The following MAP4 variants were observed in gnomAD, a reference collection of about 807,000 sequenced individuals.
MAP4 encodes microtubule-associated protein 4.
A neutral mutation model predicts 170.2 loss-of-function variants in MAP4; 76 were observed. The ratio of observed to expected loss-of-function variants is 0.45; its 90% CI spans 0.37 to 0.54. The LOEUF (loss-of-function observed/expected upper bound fraction) is 0.54, where lower values mean the gene tolerates loss of function less well. Ranked by LOEUF, MAP4 falls within the 20% of genes least tolerant of loss-of-function variation. The pLI is 0.00. For synonymous variants in MAP4, 909 were observed against 994.5 expected (o/e 0.91, Z 1.62); for missense variants, 2,506 against 2,748.0 (o/e 0.91, Z 1.97).
intron 1 of MAP4, among the ~76,000 whole-genome samples, chr3:48,025,260 C>T (rs531020945): frequency 3.3e-5 from 5 of 150,726 alleles, no homozygotes; most frequent in Non-Finnish European, 5.9e-5. Flanking sequence ...TTTTAGAAAG[C>T]GCTAATTTTA....
At chr3:48,032,906 C>T (rs1160121615) in intron 1 of MAP4, among the ~76,000 whole-genome samples, 1 of 152,128 alleles carries the variant, frequency 6.6e-6, no homozygotes, top group Non-Finnish European at 1.5e-5. Flanking sequence ...AGCTAACTTA[C>T]CCTTGTTGAT....
intron 3 of MAP4, among the ~76,000 whole-genome samples, chr3:47,935,739 C>T (rs2100052351): frequency 6.6e-6 from 1 of 151,558 alleles, no homozygotes; most frequent in Non-Finnish European, 1.5e-5. Context: ...GAGTTCGAGA[C>T]CAGCCTGATC....
Position 47,916,071 on chromosome 3 carries a change from G to C in MAP4, c.1756C>G (p.Pro586Ala). The C allele has an allele frequency of 6.2e-7, 1 of 1,614,208 alleles. No individual in the cohort carries two copies. The highest frequency in any genetic ancestry group is 8.5e-7 in the Non-Finnish European group (1 of 1,180,042). ...VPPLSETEAT[P>A]VPIKDMEIAQ... ...ATTTCCATGTCTTTAATTGGAACTG[G>C]TGTTGCCTCTGTTTCTGAGAGTGGT... Residue 586 changes from proline (P) to alanine (A), a missense_variant, in exon 7 of 21, where the codon CCA (proline) becomes GCA (alanine). Pro to Ala is a conservative substitution (Grantham distance 27, BLOSUM62 -1). Coordinates refer to ENST00000683076, the MANE Select transcript of MAP4 (RefSeq NM_001385682.1).
At chr3:47,977,809 G>T (rs553623909) in intron 3 of MAP4, 56 bp downstream of exon 3, 1 of 1,117,386 alleles carries the variant, frequency 8.9e-7, no homozygotes, top group South Asian at 1.3e-5. Context: ...AGATTATCAA[G>T]GTGTTCATTG....
intron 2 of MAP4, among the ~76,000 whole-genome samples, chr3:47,985,054 T>C (rs1578795103): frequency 6.6e-6 from 1 of 151,462 alleles, no homozygotes; most frequent in African/African-American, 2.4e-5. Flanking sequence ...CAGAGGTGGG[T>C]GAATCACCTG....
At chr3:48,061,515 G>A (rs1388373782) in intron 1 of MAP4, among the ~76,000 whole-genome samples, 1 of 152,194 alleles carries the variant, frequency 6.6e-6, no homozygotes. Flanking sequence ...CCAGGCTGGA[G>A]TGCAGTGGCG....
At chr3:48,022,718 G>A (rs866886864) in intron 1 of MAP4, among the ~76,000 whole-genome samples, 48 of 152,132 alleles carry the variant, frequency 3.2e-4, no homozygotes, top group Admixed American at 1.6e-3. Flanking sequence ...GTGAAACCCC[G>A]TCTCTACGAA....
chr3:48,007,703 T>A (rs907282791), intron 1 of MAP4, among the ~76,000 whole-genome samples: 2 of 149,794 alleles, frequency 1.3e-5, no homozygotes, highest in Non-Finnish European at 1.5e-5. Context: ...AGACGCAGTG[T>A]CACTCTGTTG....
At chr3:48,059,514 C>CAAAAAAAAAA (rs762700404) in intron 1 of MAP4, among the ~76,000 whole-genome samples, 1 of 18,008 alleles carries the variant, frequency 5.6e-5, no homozygotes, top group East Asian at 1.9e-3. Context: ...GACTCCATCT[C>CAAAAAAAAAA]AAAAAAAAAA....
At chr3:47,983,207 G>C (rs905854982) in intron 2 of MAP4, among the ~76,000 whole-genome samples, 1 of 151,910 alleles carries the variant, frequency 6.6e-6, no homozygotes, top group African/African-American at 2.4e-5. Flanking sequence ...ACCCGGCAAA[G>C]ATTTTGACTT....
chr3:48,031,592 G>A (rs767817517), intron 1 of MAP4, among the ~76,000 whole-genome samples: 1 of 152,068 alleles, frequency 6.6e-6, no homozygotes, highest in Non-Finnish European at 1.5e-5. Flanking sequence ...AGGCATGGTG[G>A]TACGTGCCTG....
intron 10 of MAP4, among the ~76,000 whole-genome samples, chr3:47,893,414 G>A (rs1177084543): frequency 6.6e-6 from 1 of 152,106 alleles, no homozygotes; most frequent in East Asian, 1.9e-4. Flanking sequence ...GAACACACTG[G>A]GGGCAGTGCA....
At chr3:48,052,837 T>G (rs1249987599) in intron 1 of MAP4, among the ~76,000 whole-genome samples, 2 of 152,206 alleles carry the variant, frequency 1.3e-5, no homozygotes, top group East Asian at 3.8e-4. Flanking sequence ...AAAATGAGCT[T>G]GCTGTGCACT....
At chr3:47,900,368 C>T (rs2100029347) in intron 10 of MAP4, among the ~76,000 whole-genome samples, 1 of 152,004 alleles carries the variant, frequency 6.6e-6, no homozygotes, top group Non-Finnish European at 1.5e-5. Context: ...GGATGAGAAG[C>T]AAACAGACAG....
chr3:48,022,280 A>G (rs896879296), intron 1 of MAP4, among the ~76,000 whole-genome samples: 2 of 152,142 alleles, frequency 1.3e-5, no homozygotes, highest in Admixed American at 1.3e-4. Context: ...CAATGGAGAG[A>G]GTAGAGAGAC....
intron 10 of MAP4, among the ~76,000 whole-genome samples, chr3:47,895,565 C>A (rs1358983897): frequency 6.6e-6 from 1 of 152,186 alleles, no homozygotes. Context: ...GTAGTTGGCC[C>A]TTATATTCTG....
At chr3:47,976,407 T>C (rs1487199016) in intron 3 of MAP4, among the ~76,000 whole-genome samples, 2 of 152,216 alleles carry the variant, frequency 1.3e-5, no homozygotes, top group African/African-American at 4.8e-5. Flanking sequence ...GTTTTTGTAG[T>C]TGTTTCCTTC....
intron 17 of MAP4, among the ~76,000 whole-genome samples, chr3:47,860,265 A>G (rs965669376): frequency 1.4e-4 from 21 of 152,350 alleles, no homozygotes; most frequent in African/African-American, 5.0e-4. Context: ...GATGAAGTGC[A>G]GAGGCATGAC....
chr3:47,926,210 G>T (rs780203371), intron 4 of MAP4, among the ~76,000 whole-genome samples: 9 of 144,710 alleles, frequency 6.2e-5, no homozygotes, highest in African/African-American at 7.7e-5. Flanking sequence ...TTGAGACAGG[G>T]TCTGGCTCTG....
Sources: allele counts gnomAD v4.1 joint callset (sites outside exome capture counted in the v4.1 genomes callset), GRCh38; gene constraint gnomAD v4.1.1; transcripts MANE v1.5; gene names NCBI Gene and HGNC (gene_info 2026-07-23, HGNC 2026-07-21).